Variants in C8orf34 observed in about 807,000 individuals in gnomAD.
C8orf34 encodes uncharacterized protein C8orf34.
A neutral mutation model predicts 68.3 loss-of-function variants in C8orf34; 65 were observed. The observed-to-expected ratio is 0.95, with a 90% CI of 0.78 to 1.17. C8orf34 has a LOEUF of 1.17. C8orf34 is among the 50% of genes most tolerant of loss of function. The probability of loss-of-function intolerance (pLI) is 0.00; values close to 1 mark genes in which losing one functional copy is unlikely to be tolerated. For missense variants in C8orf34, 664 were observed against 655.4 expected (o/e 1.01, Z -0.14); for synonymous variants, 244 against 241.2 (o/e 1.01, Z -0.11).
chr8:68,333,342 A>G (rs73254836), intron 1 of C8orf34, among the ~76,000 whole-genome samples: 2,077 of 152,346 alleles, frequency 0.014, 36 homozygotes, highest in African/African-American at 0.047. Context: ...TATTGAATAC[A>G]TATGACATAC....
At chr8:68,695,913 A>G (rs550880193) in intron 8 of C8orf34, 33 of 152,250 alleles carry the variant, frequency 2.2e-4, no homozygotes, top group African/African-American at 7.9e-4. Context: ...AGAAAAATAT[A>G]TGTTGTTTTG....
At chr8:68,345,192 A>G (rs1056102377) in intron 1 of C8orf34, among the ~76,000 whole-genome samples, 2 of 152,036 alleles carry the variant, frequency 1.3e-5, no homozygotes, top group African/African-American at 4.8e-5. Context: ...CAGGAACAAG[A>G]TGATACAGAA....
intron 5 of C8orf34, among the ~76,000 whole-genome samples, chr8:68,493,587 G>A (rs1813403262): frequency 6.6e-6 from 1 of 152,148 alleles, no homozygotes; most frequent in African/African-American, 2.4e-5. Context: ...TCCTTAAAAA[G>A]TTAAAAATAA....
At chr8:68,376,824 A>C (rs1807823601) in intron 1 of C8orf34, among the ~76,000 whole-genome samples, 1 of 152,070 alleles carries the variant, frequency 6.6e-6, no homozygotes, top group Non-Finnish European at 1.5e-5. Flanking sequence ...GAATCTGATC[A>C]ACCTGGCTCA....
chr8:68,367,767 G>A (rs889065595), intron 1 of C8orf34, among the ~76,000 whole-genome samples: 5 of 132,062 alleles, frequency 3.8e-5, no homozygotes, highest in African/African-American at 1.4e-4. Context: ...GGGGAGGGGG[G>A]ATGGATAGCA....
At chr8:68,472,678 T>A (rs917552281) in intron 4 of C8orf34, among the ~76,000 whole-genome samples, 5 of 152,154 alleles carry the variant, frequency 3.3e-5, no homozygotes, top group Admixed American at 2.6e-4. Flanking sequence ...CAGGTATACG[T>A]TTTGTATTTT....
At chr8:68,764,153 C>G (rs1248143705) in intron 10 of C8orf34, among the ~76,000 whole-genome samples, 1 of 152,116 alleles carries the variant, frequency 6.6e-6, no homozygotes, top group Non-Finnish European at 1.5e-5. Context: ...TCATAGAGCC[C>G]CTTGTGGTAC....
At chr8:68,726,290 T>C (rs998991799) in intron 10 of C8orf34, among the ~76,000 whole-genome samples, 1 of 152,110 alleles carries the variant, frequency 6.6e-6, no homozygotes. Context: ...TCAGAACAGG[T>C]AGTTTTTCAT....
chr8:68,685,502 A>C (rs572704572), intron 8 of C8orf34, among the ~76,000 whole-genome samples: 1 of 152,128 alleles, frequency 6.6e-6, no homozygotes, highest in African/African-American at 2.4e-5. Flanking sequence ...ACGTCCTTAC[A>C]TGTAATACTC....
chr8:68,600,573 C>T (rs933828980), intron 7 of C8orf34, among the ~76,000 whole-genome samples: 2 of 151,974 alleles, frequency 1.3e-5, no homozygotes, highest in Non-Finnish European at 2.9e-5. Context: ...CCCTCTATTC[C>T]TAAAGCATAT....
At chr8:68,384,903 T>G (rs1262981686) in intron 1 of C8orf34, among the ~76,000 whole-genome samples, 3 of 152,182 alleles carry the variant, frequency 2.0e-5, no homozygotes, top group South Asian at 4.1e-4. Flanking sequence ...TCAACCTTTA[T>G]TTTGCTGATA....
chr8:68,631,210 C>T (rs985860905), intron 7 of C8orf34, among the ~76,000 whole-genome samples: 9 of 151,594 alleles, frequency 5.9e-5, no homozygotes, highest in South Asian at 2.1e-4. Context: ...TGCAGTGAGC[C>T]GAGATCATGC....
intron 3 of C8orf34, among the ~76,000 whole-genome samples, chr8:68,453,873 T>C (rs888007931): frequency 1.3e-5 from 2 of 152,110 alleles, no homozygotes; most frequent in African/African-American, 2.4e-5. Flanking sequence ...GGAAATACTT[T>C]TGGTCTTGTA....
rs540236973 is a variant in C8orf34 at position 68,793,087 on chromosome 8, G to A, written c.1549+5551G>A. Among the ~76,000 whole-genome samples the A allele has an allele frequency of 3.9e-4, 59 of 152,094 alleles. 2 individuals are homozygous for A. The South Asian group carries it at 0.012, about 32-fold the overall frequency. On this transcript the variant is annotated intron_variant, in intron 12 of 13. Coordinates refer to ENST00000518698, the MANE Select transcript of C8orf34 (RefSeq NM_052958.4). The stretch of plus-strand genomic sequence containing the variant: ...GATACAGTGACTAAAAAATTTTCCA[G>A]AATTAATGGAAAGTTTTAATTCTCA...
At chr8:68,535,074 GC>G in intron 7 of C8orf34, 1 of 985,254 alleles carries the variant, frequency 1.0e-6, no homozygotes. Flanking sequence ...TCCTCTTATA[GC>G]TTGGAATGTT....
chr8:68,401,274 G>T (rs559692905), intron 1 of C8orf34, among the ~76,000 whole-genome samples: 1 of 151,960 alleles, frequency 6.6e-6, no homozygotes, highest in Admixed American at 6.6e-5. Context: ...AGAGTTTTTT[G>T]GTGGAGTCTT....
At chr8:68,644,743 C>A (rs188089072) in intron 8 of C8orf34, among the ~76,000 whole-genome samples, 1 of 152,250 alleles carries the variant, frequency 6.6e-6, no homozygotes, top group African/African-American at 2.4e-5. Context: ...AGGCAAGCAG[C>A]CTGCAGTCTT....
intron 7 of C8orf34, among the ~76,000 whole-genome samples, chr8:68,612,837 A>T (rs1008139917): frequency 6.6e-6 from 1 of 152,132 alleles, no homozygotes; most frequent in African/African-American, 2.4e-5. Flanking sequence ...TCTTTTTGAG[A>T]ATCTTATAGA....
Position 68,721,365 on chromosome 8 carries a change from CT to C in C8orf34, c.1334del (p.Leu445CysfsTer8). 1 of 1,601,248 alleles carries C rather than the reference CT, an allele frequency of 6.2e-7. No homozygotes were observed. The highest frequency in any genetic ancestry group is 1.7e-4 in the Middle Eastern group (1 of 5,888). Reference protein sequence around the residue: ...DEKIPDSFDSLPGTEEALMEE... With the variant: ...DEKIPDSFDSXPGTEEALMEE... ...ATTTTTTAAAAATAAAAATAGATTC[CT>C]TGCCTGGGACTGAAGAAGCACTAAT... On this transcript the variant is annotated frameshift_variant, in exon 10 of 14. Coordinates refer to ENST00000518698, the MANE Select transcript of C8orf34 (RefSeq NM_052958.4). LOFTEE classifies it high-confidence loss of function.
Sources: allele counts gnomAD v4.1 joint callset (sites outside exome capture counted in the v4.1 genomes callset), GRCh38; gene constraint gnomAD v4.1.1; transcripts MANE v1.5; gene names NCBI Gene and HGNC (gene_info 2026-07-23, HGNC 2026-07-21).